Variants in ADGRB3 observed in about 807,000 individuals in gnomAD.
The protein encoded by ADGRB3 is brain-specific angiogenesis inhibitor 3.
ADGRB3 carries 37 observed loss-of-function variants against 193.4 expected under a neutral mutation model. That is an observed-to-expected ratio of 0.19 (90% CI 0.15 to 0.25). The LOEUF (loss-of-function observed/expected upper bound fraction) is 0.25, where lower values mean the gene tolerates loss of function less well. ADGRB3 is among the 10% of genes least tolerant of loss of function. The pLI, the probability that ADGRB3 is intolerant of heterozygous loss-of-function variation, is 1.00. For missense variants in ADGRB3, 1,637 were observed against 1,852.9 expected, an observed-to-expected ratio of 0.88 and a Z score of 2.14; for synonymous variants, 690 against 644.2, an observed-to-expected ratio of 1.07 and a Z score of -1.08.
intron 11 of ADGRB3, among the ~76,000 whole-genome samples, chr6:69,007,009 G>A (rs1769776974): frequency 6.6e-6 from 1 of 151,936 alleles, no homozygotes; most frequent in Non-Finnish European, 1.5e-5. Flanking sequence ...AGTTAAACCT[G>A]CCCACTGGGT....
intron 3 of ADGRB3, among the ~76,000 whole-genome samples, chr6:68,829,091 C>CCT (rs1767903918): frequency 1.1e-5 from 1 of 94,656 alleles, no homozygotes. Context: ...GTTTAAGTAA[C>CCT]TTTTTTTTTT....
intron 8 of ADGRB3, among the ~76,000 whole-genome samples, chr6:68,972,866 G>A (rs1391397954): frequency 6.6e-6 from 1 of 152,074 alleles, no homozygotes; most frequent in Non-Finnish European, 1.5e-5. Context: ...GCTGAAGAAA[G>A]TATTTCCAAG....
chr6:69,305,015 AT>A (rs775150211), intron 20 of ADGRB3, among the ~76,000 whole-genome samples: 4 of 151,418 alleles, frequency 2.6e-5, no homozygotes, highest in Non-Finnish European at 5.9e-5. Context: ...GGCTCATTAC[AT>A]TTTACGGGAC....
chr6:69,233,470 T>C (rs1288683229), intron 18 of ADGRB3, 54 bp downstream of exon 18: 5 of 1,606,730 alleles, frequency 3.1e-6, no homozygotes, highest in Non-Finnish European at 4.3e-6. Flanking sequence ...ATATTGTGGC[T>C]AGTGTTTCTC....
chr6:69,059,049 A>T lies in ADGRB3; in HGVS notation c.2334-3885A>T, dbSNP rs184098626. The stretch of plus-strand genomic sequence containing the variant: ...CTAGTTAATCTGTCTAGTTATTAAA[A>T]ATGGGATATTAAAATATCCCATTAT... On this transcript the variant is annotated intron_variant, in intron 15 of 31. Transcript: ENST00000370598. 2.6e-5 allele frequency among the ~76,000 whole-genome samples: 4 copies of T among 152,204 alleles called. No individual in the cohort carries two copies. In the East Asian group the frequency reaches 7.7e-4, roughly 29 times the overall value.
intron 17 of ADGRB3, among the ~76,000 whole-genome samples, chr6:69,119,837 G>T (rs1045757799): frequency 6.6e-6 from 1 of 152,098 alleles, no homozygotes; most frequent in Non-Finnish European, 1.5e-5. Context: ...GTCATTTCAG[G>T]GTTTTGAGCA....
intron 26 of ADGRB3, among the ~76,000 whole-genome samples, chr6:69,353,932 G>A (rs1769281648): frequency 6.6e-6 from 1 of 152,030 alleles, no homozygotes; most frequent in African/African-American, 2.4e-5. Context: ...GCGTGGTGGT[G>A]CATGCCTGTA....
rs557304448 is a variant in ADGRB3 at position 68,737,808 on chromosome 6, C to T, written c.757+98376C>T. On this transcript the variant is annotated intron_variant, in intron 3 of 31. Transcript: ENST00000370598. ...GAAAGTCTTCAACAATAAATATTTA[C>T]TGAATTCTTCCTACCGGGCAGGTAC... Among the ~76,000 whole-genome samples, 448 of 152,242 alleles carry T rather than the reference C, an allele frequency of 2.9e-3. 2 individuals carry two copies. Among genetic ancestry groups the T allele is most frequent in the African/African-American group, 0.01 (434 of 41,538 alleles).
At chr6:69,305,154 G>T (rs528693876) in intron 20 of ADGRB3, among the ~76,000 whole-genome samples, 1 of 151,652 alleles carries the variant, frequency 6.6e-6, no homozygotes, top group African/African-American at 2.4e-5. Context: ...TGTTAGCACA[G>T]TGCCTGGCAG....
chr6:69,090,601 A>G (rs887253552), intron 17 of ADGRB3, among the ~76,000 whole-genome samples: 9 of 152,212 alleles, frequency 5.9e-5, no homozygotes, highest in Non-Finnish European at 1.2e-4. Flanking sequence ...GGTACTGGGG[A>G]CACAAATAGT....
intron 3 of ADGRB3, among the ~76,000 whole-genome samples, chr6:68,783,664 A>G (rs568044964): frequency 6.6e-6 from 1 of 152,050 alleles, no homozygotes; most frequent in South Asian, 2.1e-4. Context: ...CTAGGAAGAC[A>G]ATCAGAAGGC....
intron 20 of ADGRB3, among the ~76,000 whole-genome samples, chr6:69,302,495 G>A (rs1424163859): frequency 1.3e-5 from 2 of 151,782 alleles, no homozygotes; most frequent in Non-Finnish European, 2.9e-5. Flanking sequence ...CAATACCCCT[G>A]GCCATCCACA....
chr6:69,278,141 A>G (rs983034719), intron 20 of ADGRB3, among the ~76,000 whole-genome samples: 8 of 152,190 alleles, frequency 5.3e-5, no homozygotes, highest in Non-Finnish European at 1.2e-4. Flanking sequence ...TGCAAAATTC[A>G]TACTTATAGG....
At chr6:68,758,345 T>C (rs1390413450) in intron 3 of ADGRB3, among the ~76,000 whole-genome samples, 6 of 152,056 alleles carry the variant, frequency 3.9e-5, no homozygotes, top group Non-Finnish European at 5.9e-5. Flanking sequence ...CATCATCATC[T>C]CCTTCATTTT....
rs534287394 is a variant in ADGRB3, at chr6:68,916,536, A to C, written c.758-14023A>C. 4.6e-5 allele frequency among the ~76,000 whole-genome samples: 7 copies of C among 152,346 alleles called. No individual in the cohort carries two copies. The South Asian group carries it at 1.5e-3, about 32-fold the overall frequency. On this transcript the variant is annotated intron_variant, in intron 3 of 31. Coordinates refer to ENST00000370598, the MANE Select transcript of ADGRB3 (RefSeq NM_001704.3). Reference sequence around the variant, plus strand: ...GTTTGGTGGATACAGCAATTTATTAAAACAAATGAACAAAAACCAAACAAA... The same window carrying C: ...GTTTGGTGGATACAGCAATTTATTACAACAAATGAACAAAAACCAAACAAA...
At chr6:69,347,540 G>A (rs1294574928) in intron 26 of ADGRB3, among the ~76,000 whole-genome samples, 1 of 152,032 alleles carries the variant, frequency 6.6e-6, no homozygotes, top group Non-Finnish European at 1.5e-5. Context: ...TTTTTTGGGA[G>A]CCAAGATGGG....
At chr6:69,034,055 G>A (rs1001288735) in intron 13 of ADGRB3, among the ~76,000 whole-genome samples, 56 of 151,946 alleles carry the variant, frequency 3.7e-4, no homozygotes, top group African/African-American at 1.2e-3. Context: ...AATGAAGTGG[G>A]AATACATAAT....
chr6:68,858,072 G>A (rs575871189), intron 3 of ADGRB3, among the ~76,000 whole-genome samples: 107 of 152,134 alleles, frequency 7.0e-4, no homozygotes, highest in Admixed American at 1.2e-3. Context: ...GTTGAACTGT[G>A]AGTTCTCCAT....
Position 68,653,308 on chromosome 6 carries a change from T to G in ADGRB3, c.757+13876T>G, listed in dbSNP as rs143097885. ...AGAAGTTAGGGGTTGGTGGTGTCAC[T>G]ACAGCCTAATCTATCCTATTCTGAC... On this transcript the variant is annotated intron_variant, in intron 3 of 31. Transcript: ENST00000370598. 1.4e-4 allele frequency among the ~76,000 whole-genome samples: 21 copies of G among 152,272 alleles called. No individual in the cohort carries two copies. The East Asian group carries it at 3.9e-3, about 28-fold the overall frequency.
Sources: allele counts gnomAD v4.1 joint callset (sites outside exome capture counted in the v4.1 genomes callset), GRCh38; gene constraint gnomAD v4.1.1; transcripts MANE v1.5; gene names NCBI Gene and HGNC (gene_info 2026-07-23, HGNC 2026-07-21).